The following NRXN3 variants were observed in gnomAD, a reference collection of about 807,000 sequenced individuals.
The protein encoded by NRXN3 is neurexin 3.
In NRXN3, 32 loss-of-function variants were observed where a neutral mutation model predicts 137.6. That is an observed-to-expected ratio of 0.23 (90% CI 0.18 to 0.31). NRXN3 has a LOEUF of 0.31. Ranked by LOEUF, NRXN3 falls within the 10% of genes least tolerant of loss-of-function variation. The pLI is 1.00. For missense variants in NRXN3, 1,574 were observed against 2,062.5 expected (o/e 0.76, Z 4.59); for synonymous variants, 798 against 784.5 (o/e 1.02, Z -0.29).
chr14:78,223,655 C>G (rs1041277746), intron 1 of NRXN3, among the ~76,000 whole-genome samples: 9 of 152,134 alleles, frequency 5.9e-5, no homozygotes, highest in Admixed American at 2.0e-4. Context: ...CCAGAGCACC[C>G]TGAACTCCAT....
intron 19 of NRXN3, among the ~76,000 whole-genome samples, chr14:79,740,638 C>G (rs1268428500): frequency 6.9e-6 from 1 of 145,794 alleles, no homozygotes; most frequent in Non-Finnish European, 1.5e-5. Flanking sequence ...ACTTTTGCAT[C>G]TCTTCTGATT....
chr14:79,718,400 A>T (rs1032483482), intron 19 of NRXN3, among the ~76,000 whole-genome samples: 1 of 152,218 alleles, frequency 6.6e-6, no homozygotes, highest in Non-Finnish European at 1.5e-5. Flanking sequence ...TGTGGAAAGC[A>T]GTTTAGGTTT....
intron 4 of NRXN3, among the ~76,000 whole-genome samples, chr14:78,499,840 T>C (rs968259249): frequency 6.6e-6 from 1 of 152,138 alleles, no homozygotes; most frequent in South Asian, 2.1e-4. Context: ...TTTCCCATCA[T>C]GGCAGCTTCA....
intron 19 of NRXN3, among the ~76,000 whole-genome samples, chr14:79,720,907 T>A (rs1171740157): frequency 2.0e-5 from 3 of 152,016 alleles, no homozygotes; most frequent in Non-Finnish European, 4.4e-5. Context: ...AAATAAATGA[T>A]TAAAGTAGGG....
intron 16 of NRXN3, among the ~76,000 whole-genome samples, chr14:79,659,078 A>T (rs1300645236): frequency 1.3e-5 from 2 of 152,044 alleles, no homozygotes; most frequent in African/African-American, 2.4e-5. Flanking sequence ...CTGATTGAGG[A>T]TAGGGCAGCT....
chr14:79,194,037 T>C (rs1218910272), intron 15 of NRXN3, among the ~76,000 whole-genome samples: 2 of 152,226 alleles, frequency 1.3e-5, no homozygotes, highest in African/African-American at 2.4e-5. Context: ...ACTTAGACTA[T>C]AACAACATTT....
chr14:78,251,084 G>A lies in NRXN3; in HGVS notation c.709+7282G>A, dbSNP rs1383084469. ...TGGGATTGGACCCAAGGCTCCGGAG[G>A]TAGTTGGAGCACAGGTGCACCACAC... is the stretch of plus-strand genomic sequence containing the variant. On this transcript the variant is annotated intron_variant, in intron 2 of 20. Transcript: ENST00000335750. 2.8e-4 allele frequency among the ~76,000 whole-genome samples: 43 copies of A among 152,156 alleles called. 1 individual carries two copies. Among genetic ancestry groups the A allele is most frequent in the Admixed American group, 2.8e-3 (43 of 15,280 alleles).
At chr14:78,241,019 A>G (rs565734963) in intron 1 of NRXN3, among the ~76,000 whole-genome samples, 49 of 152,346 alleles carry the variant, frequency 3.2e-4, no homozygotes, top group African/African-American at 1.1e-3. Context: ...CAGGCGGGCC[A>G]GAGTCTGCCC....
At chr14:78,915,607 G>A (rs2099253290) in intron 10 of NRXN3, among the ~76,000 whole-genome samples, 1 of 152,094 alleles carries the variant, frequency 6.6e-6, no homozygotes, top group African/African-American at 2.4e-5. Flanking sequence ...GCACTGTAAT[G>A]TGATAGGCAG....
chr14:78,931,071 G>A (rs144372270), intron 10 of NRXN3, among the ~76,000 whole-genome samples: 228 of 152,284 alleles, frequency 1.5e-3, no homozygotes, highest in Non-Finnish European at 2.6e-3. Flanking sequence ...CAATGAATAA[G>A]TTGTGGTCAG....
At chr14:78,857,014 C>T (rs1201826689) in intron 10 of NRXN3, among the ~76,000 whole-genome samples, 3 of 152,214 alleles carry the variant, frequency 2.0e-5, no homozygotes, top group East Asian at 1.9e-4. Context: ...ATTACAGGCA[C>T]GAGACACCAC....
At chr14:78,372,634 A>G (rs746278236) in intron 4 of NRXN3, among the ~76,000 whole-genome samples, 36 of 152,282 alleles carry the variant, frequency 2.4e-4, no homozygotes, top group Non-Finnish European at 3.1e-4. Context: ...GCTGAAAAGC[A>G]TATTTTCTGA....
In NRXN3 at chr14:79,175,050, G is replaced by A. The variant is rs537397968; in HGVS notation, c.3262+186909G>A. 2.6e-3 allele frequency among the ~76,000 whole-genome samples: 393 copies of A among 149,174 alleles called. 1 individual carries two copies. The highest frequency in any genetic ancestry group is 9.0e-3 in the African/African-American group (360 of 39,960). ...GGCTGGAGTGCAGTGGTGCCATCTC[G>A]GCTCACTGCAAGCTCCGTCTCCCGG... is the stretch of plus-strand genomic sequence containing the variant. On this transcript the variant is annotated intron_variant, in intron 15 of 20. Transcript: ENST00000335750.
At chr14:78,849,980 T>C (rs1482728561) in intron 10 of NRXN3, among the ~76,000 whole-genome samples, 1 of 152,190 alleles carries the variant, frequency 6.6e-6, no homozygotes, top group Non-Finnish European at 1.5e-5. Flanking sequence ...TATTCTTTGA[T>C]GTACCACATA....
intron 8 of NRXN3, among the ~76,000 whole-genome samples, chr14:78,758,313 G>A (rs1354580930): frequency 6.6e-6 from 1 of 152,158 alleles, no homozygotes; most frequent in Admixed American, 6.5e-5. Flanking sequence ...TTGTAAAAGT[G>A]CTGTAATCAC....
chr14:79,187,934 C>T (rs75245339), intron 15 of NRXN3, among the ~76,000 whole-genome samples: 1,911 of 152,232 alleles, frequency 0.013, 38 homozygotes, highest in African/African-American at 0.042. Context: ...AAGGGTCAGT[C>T]GAGAACATGG....
intron 20 of NRXN3, among the ~76,000 whole-genome samples, chr14:79,838,054 A>C (rs1364461776): frequency 6.6e-6 from 1 of 152,162 alleles, no homozygotes; most frequent in Non-Finnish European, 1.5e-5. Context: ...TTGCTTACAT[A>C]AAAGCCAATA....
At chr14:78,624,504 T>G (rs1463601307) in intron 4 of NRXN3, among the ~76,000 whole-genome samples, 3 of 152,222 alleles carry the variant, frequency 2.0e-5, no homozygotes, top group Non-Finnish European at 4.4e-5. Flanking sequence ...GTATGCCCAC[T>G]GCACAGGGGC....
At chr14:78,520,609 A>G (rs1029355187) in intron 4 of NRXN3, among the ~76,000 whole-genome samples, 1 of 152,206 alleles carries the variant, frequency 6.6e-6, no homozygotes, top group South Asian at 2.1e-4. Context: ...ACCACTTAGA[A>G]GCTGGGTAAA....
Sources: gnomAD v4.1 joint callset for allele counts (sites outside exome capture counted in the v4.1 genomes callset) on GRCh38, gnomAD v4.1.1 for gene constraint, MANE v1.5 for transcripts, NCBI Gene and HGNC (gene_info 2026-07-23, HGNC 2026-07-21) for gene names.